PKD1L1: variants seen among roughly 807,000 people sequenced by gnomAD.
PKD1L1 encodes the protein polycystin 1 like 1, transient receptor potential channel interacting, also known as polycystin-1-like protein 1.
PKD1L1 carries 236 observed loss-of-function variants against 323.4 expected under a neutral mutation model. That is an observed-to-expected ratio of 0.73 (90% CI 0.66 to 0.81). The LOEUF (loss-of-function observed/expected upper bound fraction) is 0.81, where lower values mean the gene tolerates loss of function less well. Among genes scored for constraint, PKD1L1 ranks in the 40% least tolerant of loss-of-function variants. The probability of loss-of-function intolerance (pLI) is 0.00; values close to 1 mark genes in which losing one functional copy is unlikely to be tolerated. For missense variants in PKD1L1, 3,320 were observed against 3,508.0 expected (o/e 0.95, Z 1.35); for synonymous variants, 1,344 against 1,335.0 (o/e 1.01, Z -0.15).
chr7:47,816,484 C>G (rs753437706), intron 46 of PKD1L1, among the ~76,000 whole-genome samples: 1 of 152,134 alleles, frequency 6.6e-6, no homozygotes. Context: ...AGTGTTCCTA[C>G]GAGAAAGCAA....
intron 44 of PKD1L1, 62 bp downstream of exon 44, chr7:47,829,363 A>G: frequency 1.4e-6 from 2 of 1,451,840 alleles, no homozygotes; most frequent in Non-Finnish European, 9.3e-7. Context: ...TCAGATATGC[A>G]TGATAGAATA....
At chr7:47,896,304 T>C (rs1363609294) in intron 14 of PKD1L1, among the ~76,000 whole-genome samples, 2 of 119,380 alleles carry the variant, frequency 1.7e-5, no homozygotes, top group African/African-American at 7.0e-5. Flanking sequence ...CACTCCAGCC[T>C]GGGCAACAGA....
At chr7:47,812,083 G>A in intron 49 of PKD1L1, 32 bp from the exon 50 acceptor site, 1 of 1,534,688 alleles carries the variant, frequency 6.5e-7, no homozygotes, top group South Asian at 1.2e-5. Flanking sequence ...GGTAGGGCAG[G>A]GCAGGGAGAA....
At chr7:47,792,852 T>G in intron 55 of PKD1L1, 55 bp from the exon 56 acceptor site, 1 of 1,496,602 alleles carries the variant, frequency 6.7e-7, no homozygotes, top group Non-Finnish European at 9.2e-7. Context: ...ATTATCCCCC[T>G]TTCCTCATTA....
chr7:47,933,767 C>T (rs1787816448), intron 4 of PKD1L1, among the ~76,000 whole-genome samples: 2 of 152,138 alleles, frequency 1.3e-5, no homozygotes, highest in African/African-American at 4.8e-5. Context: ...CTGCATCCAA[C>T]CAGATAAGGA....
Position 47,877,639 on chromosome 7 carries a change from G to A in PKD1L1, c.3521-8C>T, listed in dbSNP as rs972684590. 1 of 1,612,980 alleles carries A rather than the reference G, an allele frequency of 6.2e-7. No homozygotes were observed. Among genetic ancestry groups the A allele is most frequent in the Non-Finnish European group, 8.5e-7 (1 of 1,179,342 alleles). On this transcript the variant is annotated splice_region_variant and splice_polypyrimidine_tract_variant and intron_variant, in intron 21 of 56. Transcript: ENST00000289672. ...GTAAGCCATGCTTCGAAGCTAAAGA[G>A]AAAGATGAAGCAGCGGTTTCACCCA...
intron 16 of PKD1L1, 96 bp from the exon 17 acceptor site, chr7:47,888,246 T>C (rs1786727413): frequency 7.6e-7 from 1 of 1,315,814 alleles, no homozygotes; most frequent in East Asian, 2.4e-5. Flanking sequence ...TCACCCTACT[T>C]TGGATCTTTA....
intron 1 of PKD1L1, among the ~76,000 whole-genome samples, chr7:47,944,434 T>C (rs1583695563): frequency 6.6e-6 from 1 of 152,246 alleles, no homozygotes; most frequent in South Asian, 2.1e-4. Flanking sequence ...CAGTCTCAGG[T>C]ATTTCTTTAT....
chr7:47,960,081 T>C, the PKD1L1 span, among the ~76,000 whole-genome samples: 21 of 151,982 alleles, frequency 1.4e-4, no homozygotes, highest in African/African-American at 3.9e-4. Flanking sequence ...CCCAACCCTG[T>C]GCTCTCTGAA....
In PKD1L1 at chr7:47,812,011, T is replaced by C; in HGVS notation, c.7387A>G (p.Met2463Val). Residue 2463 changes from methionine (M) to valine (V), a missense_variant, in exon 50 of 57, where the codon ATG becomes GTG. Physicochemically the swap from Met to Val is conservative, Grantham distance 21 (BLOSUM62 1). Transcript: ENST00000289672. ...HTALSRLRAS[M>V]WIDRSTRAVS... ...GCCCTGGTGCTGCGGTCAATCCACA[T>C]GCTGGCCCTGAGTCGGGACAGGGCT... is the stretch of plus-strand genomic sequence containing the variant. 1 of 1,581,602 alleles carries C rather than the reference T, an allele frequency of 6.3e-7. No homozygotes were observed. The highest frequency in any genetic ancestry group is 8.6e-7 in the Non-Finnish European group (1 of 1,163,676).
intron 8 of PKD1L1, among the ~76,000 whole-genome samples, chr7:47,908,504 A>G (rs1218659037): frequency 6.6e-6 from 1 of 152,242 alleles, no homozygotes. Flanking sequence ...AATTATTTTT[A>G]GCAAGGAGTC....
rs1384672047 is a variant in PKD1L1, at chr7:47,894,076, G to A, written c.2272-17C>T. On this transcript the variant is annotated splice_polypyrimidine_tract_variant and intron_variant, in intron 14 of 56. Transcript: ENST00000289672. ...AATCTGAACCTGCAGGGGCAAGGAA[G>A]GACAGGGGATGTCATGCAGGGACAA... 6.5e-7 allele frequency: 1 copy of A among 1,532,214 alleles called. No homozygotes were observed. The highest frequency in any genetic ancestry group is 8.8e-7 in the Non-Finnish European group (1 of 1,139,244). 94.9% of individuals were successfully genotyped at this position (1,532,214 alleles called of 1,614,324 possible). A position where few individuals can be genotyped will look rare whatever the true frequency, so the allele number is the denominator to read the frequency against.
chr7:47,915,619 A>T lies in PKD1L1; in HGVS notation c.1061-20T>A. On this transcript the variant is annotated intron_variant, in intron 7 of 56. Coordinates refer to ENST00000289672, the MANE Select transcript of PKD1L1 (RefSeq NM_138295.5). ...AAATACCTATAAAAGCAAAAAGAAG[A>T]AAATAAAGATAAAAGTGGAAATTAA... 7.0e-7 allele frequency: 1 copy of T among 1,431,246 alleles called. No homozygotes were observed. 88.7% of individuals were successfully genotyped at this position (1,431,246 alleles called of 1,614,324 possible).
chr7:47,803,752 A>C (rs1307100379), intron 52 of PKD1L1, among the ~76,000 whole-genome samples: 1 of 152,248 alleles, frequency 6.6e-6, no homozygotes, highest in Non-Finnish European at 1.5e-5. Flanking sequence ...CCTTTCCCCC[A>C]GATACATGTA....
chr7:47,895,237 A>G (rs148420577), intron 14 of PKD1L1, among the ~76,000 whole-genome samples: 64 of 152,306 alleles, frequency 4.2e-4, no homozygotes, highest in African/African-American at 1.5e-3. Context: ...AAGGTCTCCA[A>G]GACCTAGAGA....
intron 27 of PKD1L1, 145 bp downstream of exon 27, chr7:47,858,528 A>G: frequency 1.5e-6 from 1 of 679,034 alleles, no homozygotes; most frequent in Non-Finnish European, 2.5e-6. Context: ...AAAGTCTCCA[A>G]ATACCAAAAT....
intron 44 of PKD1L1, 111 bp from the exon 45 acceptor site, chr7:47,827,579 C>T (rs890332297): frequency 2.6e-5 from 23 of 885,930 alleles, no homozygotes; most frequent in Admixed American, 5.6e-5. Context: ...TGCCTTCAGC[C>T]TGGCATTTGG....
intron 13 of PKD1L1, among the ~76,000 whole-genome samples, chr7:47,900,658 G>T (rs1469004860): frequency 6.6e-6 from 1 of 152,118 alleles, no homozygotes; most frequent in African/African-American, 2.4e-5. Flanking sequence ...AACCCAGGGG[G>T]TGGAGACTGC....
intron 56 of PKD1L1, among the ~76,000 whole-genome samples, chr7:47,782,045 C>G (rs1030962541): frequency 6.6e-6 from 1 of 152,138 alleles, no homozygotes; most frequent in African/African-American, 2.4e-5. Context: ...GTCTCTTCCC[C>G]TCTGTCAGGA....
Sources: gnomAD v4.1 joint callset for allele counts (sites outside exome capture counted in the v4.1 genomes callset) on GRCh38, gnomAD v4.1.1 for gene constraint, MANE v1.5 for transcripts, NCBI Gene and HGNC (gene_info 2026-07-23, HGNC 2026-07-21) for gene names.